Variants in SMARCAD1 observed in about 807,000 individuals in gnomAD.
SMARCAD1 encodes the protein SWI/SNF-related matrix-associated actin-dependent regulator of chromatin subfamily A containing DEAD/H box 1.
SMARCAD1 carries 25 observed loss-of-function variants against 127.1 expected under a neutral mutation model. That is an observed-to-expected ratio of 0.20 (90% CI 0.14 to 0.27). The LOEUF (loss-of-function observed/expected upper bound fraction) is 0.27, where lower values mean the gene tolerates loss of function less well. Ranked by LOEUF, SMARCAD1 falls within the 10% of genes least tolerant of loss-of-function variation. The probability of loss-of-function intolerance (pLI) is 1.00; values close to 1 mark genes in which losing one functional copy is unlikely to be tolerated. For synonymous variants in SMARCAD1, 400 were observed against 396.9 expected, an observed-to-expected ratio of 1.01 and a Z score of -0.09; for missense variants, 807 against 1,206.0, an observed-to-expected ratio of 0.67 and a Z score of 4.90.
intron 2 of SMARCAD1, among the ~76,000 whole-genome samples, chr4:94,215,560 A>G (rs748022972): frequency 6.0e-5 from 8 of 133,796 alleles, no homozygotes; most frequent in Non-Finnish European, 9.3e-5. Context: ...GTTTGAGGTT[A>G]TGGTAAGCTG....
chr4:94,250,899 A>T, intron 8 of SMARCAD1, 66 bp downstream of exon 8: 1 of 1,251,232 alleles, frequency 8.0e-7, no homozygotes, highest in Non-Finnish European at 1.2e-6. Context: ...TATATAAGAA[A>T]ATGGTATATA....
chr4:94,274,594 G>C, intron 12 of SMARCAD1, 144 bp from the exon 13 acceptor site: 1 of 788,650 alleles, frequency 1.3e-6, no homozygotes, highest in South Asian at 1.5e-5. Context: ...TGGGATTACA[G>C]GCATGAGCCA....
intron 23 of SMARCAD1, among the ~76,000 whole-genome samples, chr4:94,288,855 A>G (rs1335140899): frequency 6.6e-6 from 1 of 152,226 alleles, no homozygotes; most frequent in African/African-American, 2.4e-5. Flanking sequence ...TGGCTAGATT[A>G]TCTGCCACTG....
At chr4:94,257,051 A>G (rs1468643931) in intron 9 of SMARCAD1, among the ~76,000 whole-genome samples, 1 of 152,184 alleles carries the variant, frequency 6.6e-6, no homozygotes, top group Non-Finnish European at 1.5e-5. Flanking sequence ...CAAGAGAGTG[A>G]TACTTCAGAT....
chr4:94,244,044 G>A (rs1748023334), intron 6 of SMARCAD1, among the ~76,000 whole-genome samples: 1 of 152,190 alleles, frequency 6.6e-6, no homozygotes, highest in Admixed American at 6.5e-5. Context: ...AAAAATAAAA[G>A]TGTATGTATG....
intron 2 of SMARCAD1, among the ~76,000 whole-genome samples, chr4:94,224,030 CTG>C (rs1215217383): frequency 9.9e-5 from 15 of 152,082 alleles, no homozygotes; most frequent in African/African-American, 3.6e-4. Flanking sequence ...ATCAGCAAAA[CTG>C]TAAAATCAGA....
At chr4:94,281,998 C>T (rs1323364759) in intron 21 of SMARCAD1, among the ~76,000 whole-genome samples, 2 of 151,450 alleles carry the variant, frequency 1.3e-5, no homozygotes, top group Non-Finnish European at 2.9e-5. Context: ...CAAGATCGCA[C>T]CACTGCACTG....
intron 2 of SMARCAD1, among the ~76,000 whole-genome samples, chr4:94,222,111 C>T (rs182584930): frequency 1.3e-5 from 2 of 152,256 alleles, no homozygotes; most frequent in Admixed American, 1.3e-4. Context: ...GAGGGTACCC[C>T]TCCCAGAGGA....
chr4:94,285,430 A>G (rs183520047), intron 23 of SMARCAD1, among the ~76,000 whole-genome samples: 177 of 152,308 alleles, frequency 1.2e-3, no homozygotes, highest in Non-Finnish European at 1.8e-3. Flanking sequence ...ATAAAAATAA[A>G]CACGTGTTCT....
chr4:94,216,823 T>G (rs985926824), intron 2 of SMARCAD1, among the ~76,000 whole-genome samples: 7 of 152,232 alleles, frequency 4.6e-5, no homozygotes, highest in African/African-American at 1.7e-4. Flanking sequence ...GTTTATCCAT[T>G]CATCCATCAA....
intron 16 of SMARCAD1, 130 bp from the exon 17 acceptor site, chr4:94,278,292 G>A: frequency 1.2e-6 from 1 of 801,508 alleles, no homozygotes; most frequent in East Asian, 2.7e-5. Context: ...GTGCCATCTA[G>A]AATGAATCAA....
At chr4:94,233,801 G>GA (rs1334641361) in intron 3 of SMARCAD1, among the ~76,000 whole-genome samples, 153 bp from the exon 4 acceptor site, 3 of 151,398 alleles carry the variant, frequency 2.0e-5, no homozygotes, top group African/African-American at 7.3e-5. Flanking sequence ...CACTGAAATG[G>GA]AAAAAAAAGG....
chr4:94,248,133 G>A (rs562513387), intron 6 of SMARCAD1, among the ~76,000 whole-genome samples: 29 of 152,256 alleles, frequency 1.9e-4, no homozygotes, highest in African/African-American at 7.0e-4. Context: ...GCTTGCTTAG[G>A]AAATGGTTTC....
intron 14 of SMARCAD1, 67 bp from the exon 15 acceptor site, chr4:94,276,272 T>C: frequency 6.4e-7 from 1 of 1,571,856 alleles, no homozygotes; most frequent in South Asian, 1.1e-5. Context: ...TTATAAGACA[T>C]TAAATTTCAC....
chr4:94,247,169 A>T (rs749688175), intron 6 of SMARCAD1, among the ~76,000 whole-genome samples: 3 of 152,200 alleles, frequency 2.0e-5, no homozygotes, highest in Admixed American at 1.3e-4. Flanking sequence ...GGTGTTTCCT[A>T]TAATAGTAGC....
chr4:94,285,433 C>T (rs1754795725), intron 23 of SMARCAD1, among the ~76,000 whole-genome samples: 1 of 152,020 alleles, frequency 6.6e-6, no homozygotes, highest in Non-Finnish European at 1.5e-5. Context: ...AAAATAAACA[C>T]GTGTTCTTTC....
intron 4 of SMARCAD1, 142 bp from the exon 5 acceptor site, chr4:94,236,810 A>G (rs1184588831): frequency 1.4e-6 from 1 of 698,602 alleles, no homozygotes; most frequent in Non-Finnish European, 2.5e-6. Context: ...AAAATTTATC[A>G]TAGGACTTAA....
intron 6 of SMARCAD1, among the ~76,000 whole-genome samples, chr4:94,249,448 G>T (rs1748940114): frequency 6.6e-6 from 1 of 151,946 alleles, no homozygotes. Context: ...TGCAATCAGG[G>T]TCTTTCAGTG....
intron 23 of SMARCAD1, 95 bp downstream of exon 23, chr4:94,285,164 C>T: frequency 1.2e-6 from 1 of 812,066 alleles, no homozygotes; most frequent in Admixed American, 1.9e-5. Context: ...GCTACCTTAA[C>T]TAGCTTACAG....
Sources: allele counts gnomAD v4.1 joint callset (sites outside exome capture counted in the v4.1 genomes callset), GRCh38; gene constraint gnomAD v4.1.1; transcripts MANE v1.5; gene names NCBI Gene and HGNC (gene_info 2026-07-23, HGNC 2026-07-21).